DLGAP1: variants seen among roughly 807,000 people sequenced by gnomAD.
DLGAP1 encodes the protein DLG associated protein 1.
Under a neutral mutation model 90.8 loss-of-function variants are expected in DLGAP1, and 11 were observed. The ratio of observed to expected loss-of-function variants is 0.12; its 90% CI spans 0.08 to 0.20. The LOEUF (loss-of-function observed/expected upper bound fraction) is 0.20, where lower values mean the gene tolerates loss of function less well. Ranked by LOEUF, DLGAP1 falls within the 10% of genes least tolerant of loss-of-function variation. The pLI is 1.00. For missense variants in DLGAP1, 1,050 were observed against 1,333.8 expected (o/e 0.79, Z 3.31); for synonymous variants, 558 against 540.7 (o/e 1.03, Z -0.44).
intron 1 of DLGAP1, among the ~76,000 whole-genome samples, chr18:4,379,281 G>A (rs115768568): frequency 1.7e-4 from 26 of 152,246 alleles, no homozygotes; most frequent in African/African-American, 6.3e-4. Flanking sequence ...GACAGGAATA[G>A]CTGCTTTGTT....
intron 7 of DLGAP1, among the ~76,000 whole-genome samples, chr18:3,622,671 C>G (rs1192932999): frequency 6.6e-6 from 1 of 152,170 alleles, no homozygotes; most frequent in African/African-American, 2.4e-5. Context: ...TCATCTTTCC[C>G]CAATTTCTTG....
chr18:4,340,084 A>T (rs1166710736), intron 1 of DLGAP1, among the ~76,000 whole-genome samples: 2 of 152,192 alleles, frequency 1.3e-5, no homozygotes, highest in South Asian at 4.1e-4. Flanking sequence ...TGTTTTTCCT[A>T]TGCATACATA....
At chr18:4,030,238 G>A (rs1049876727) in intron 2 of DLGAP1, among the ~76,000 whole-genome samples, 9 of 152,094 alleles carry the variant, frequency 5.9e-5, no homozygotes, top group African/African-American at 2.2e-4. Context: ...TGTTCCACCC[G>A]CCTTAGCCCA....
intron 1 of DLGAP1, among the ~76,000 whole-genome samples, chr18:4,198,872 T>G (rs2077553510): frequency 6.6e-6 from 1 of 152,220 alleles, no homozygotes; most frequent in Non-Finnish European, 1.5e-5. Flanking sequence ...TCTTATTAAC[T>G]TGCATTGCAG....
chr18:4,112,667 G>A (rs1397746970), intron 2 of DLGAP1, among the ~76,000 whole-genome samples: 1 of 152,032 alleles, frequency 6.6e-6, no homozygotes, highest in East Asian at 1.9e-4. Context: ...TTGTTACCTG[G>A]GAATATTGTG....
intron 7 of DLGAP1, among the ~76,000 whole-genome samples, chr18:3,666,332 AT>A (rs995485328): frequency 6.6e-6 from 1 of 152,032 alleles, no homozygotes; most frequent in Non-Finnish European, 1.5e-5. Context: ...TTTTAAACAT[AT>A]TTTTTCCTTG....
chr18:3,617,423 A>C (rs2057912734), intron 7 of DLGAP1, among the ~76,000 whole-genome samples: 1 of 152,108 alleles, frequency 6.6e-6, no homozygotes, highest in South Asian at 2.1e-4. Context: ...ACATGGTGAA[A>C]CCCCATCTCT....
chr18:3,602,275 G>GCACGTAA (rs2057082581), intron 7 of DLGAP1, among the ~76,000 whole-genome samples: 1 of 151,992 alleles, frequency 6.6e-6, no homozygotes, highest in African/African-American at 2.4e-5. Flanking sequence ...CCGAGACAGT[G>GCACGTAA]CACGTAACAC....
intron 7 of DLGAP1, among the ~76,000 whole-genome samples, chr18:3,602,157 G>C (rs2057075107): frequency 6.6e-6 from 1 of 152,164 alleles, no homozygotes; most frequent in Admixed American, 6.6e-5. Flanking sequence ...AAGTGTGTCT[G>C]CAAGTACTCT....
chr18:3,843,452 C>A (rs1025569751), intron 4 of DLGAP1, among the ~76,000 whole-genome samples: 2 of 152,112 alleles, frequency 1.3e-5, no homozygotes, highest in Non-Finnish European at 2.9e-5. Flanking sequence ...GACAACATTG[C>A]GGTGGTTACA....
chr18:3,580,821 G>A (rs1021741953), intron 8 of DLGAP1: 62 of 1,515,432 alleles, frequency 4.1e-5, no homozygotes, highest in Non-Finnish European at 5.3e-5. Flanking sequence ...CCTGCCGTGC[G>A]GACCGTGGAA....
In DLGAP1 at chr18:4,176,221, A is replaced by T. The variant is rs1287435516; in HGVS notation, c.-266-24934T>A. Among the ~76,000 whole-genome samples, 4 of 152,192 alleles carry T rather than the reference A, an allele frequency of 2.6e-5. No individual in the cohort carries two copies. The East Asian group carries it at 5.8e-4, about 22-fold the overall frequency. Reference sequence around the variant, plus strand: ...TTTCATCAGTCCCTTCATATAGGTCAGAAGTTTACCCTTTTCTCACTACAT... The same window carrying T: ...TTTCATCAGTCCCTTCATATAGGTCTGAAGTTTACCCTTTTCTCACTACAT... On this transcript the variant is annotated intron_variant, in intron 1 of 12. Coordinates refer to ENST00000315677, the MANE Select transcript of DLGAP1 (RefSeq NM_004746.4).
In DLGAP1 at chr18:4,454,374, G is replaced by C. The variant is rs2083916142; in HGVS notation, c.-267+632C>G. Among the ~76,000 whole-genome samples, 1 of 151,842 alleles carries C rather than the reference G, an allele frequency of 6.6e-6. No homozygotes were observed. The highest frequency in any genetic ancestry group is 1.5e-5 in the Non-Finnish European group (1 of 67,982). On this transcript the variant is annotated intron_variant, in intron 1 of 12. Coordinates refer to ENST00000315677, the MANE Select transcript of DLGAP1 (RefSeq NM_004746.4). This position sits in a 1 kb window ranked among gnomAD's most constrained non-coding sequence, Gnocchi z 4.7. The stretch of plus-strand genomic sequence containing the variant: ...TTGGCCTTGGCCGCGGGCAGGGGGC[G>C]ACTCTCCAGTGACCTCCTCCTTGGA...
chr18:4,157,394 A>G (rs2076774584), intron 1 of DLGAP1, among the ~76,000 whole-genome samples: 1 of 152,224 alleles, frequency 6.6e-6, no homozygotes, highest in Admixed American at 6.5e-5. Flanking sequence ...TTATTCTGTG[A>G]CTTTCCACGT....
intron 2 of DLGAP1, among the ~76,000 whole-genome samples, chr18:4,079,042 G>T (rs1394098608): frequency 6.6e-6 from 1 of 152,074 alleles, no homozygotes; most frequent in African/African-American, 2.4e-5. Flanking sequence ...ATTATCATTG[G>T]CAGAAGACAC....
At chr18:3,919,861 TAAGCTAAGAAAGGGACA>T (rs1192323712) in intron 3 of DLGAP1, among the ~76,000 whole-genome samples, 1 of 152,168 alleles carries the variant, frequency 6.6e-6, no homozygotes, top group Admixed American at 6.5e-5. Context: ...TCTCAGCCTG[TAAGCTAAGAAAGGGACA>T]AAGATAAGAA....
At chr18:4,381,186 TAGA>T (rs1413772767) in intron 1 of DLGAP1, among the ~76,000 whole-genome samples, 2 of 152,204 alleles carry the variant, frequency 1.3e-5, no homozygotes, top group African/African-American at 4.8e-5. Flanking sequence ...CCCTAAAGCC[TAGA>T]AGTTTGACTT....
At chr18:3,776,829 C>T (rs924660719) in intron 5 of DLGAP1, among the ~76,000 whole-genome samples, 7 of 152,204 alleles carry the variant, frequency 4.6e-5, no homozygotes, top group African/African-American at 1.7e-4. Flanking sequence ...CTCACTCTGT[C>T]ACCCAGGCTG....
At chr18:4,110,868 TG>T (rs780200125) in intron 2 of DLGAP1, among the ~76,000 whole-genome samples, 4 of 152,216 alleles carry the variant, frequency 2.6e-5, no homozygotes, top group Non-Finnish European at 4.4e-5. Context: ...CTGAGATTCC[TG>T]GGATTTTCTG....
Sources: gnomAD v4.1 joint callset for allele counts (sites outside exome capture counted in the v4.1 genomes callset) on GRCh38, gnomAD v4.1.1 for gene constraint, Gnocchi (gnomAD v3.1) non-coding constraint, MANE v1.5 for transcripts, NCBI Gene and HGNC (gene_info 2026-07-23, HGNC 2026-07-21) for gene names.